MROH2A: variants seen among roughly 807,000 people sequenced by gnomAD.
MROH2A encodes the protein maestro heat-like repeat-containing protein family member 2A.
In MROH2A, 174 loss-of-function variants were observed where a neutral mutation model predicts 200.4. The ratio of observed to expected loss-of-function variants is 0.87; its 90% confidence interval spans 0.77 to 0.98. The LOEUF (loss-of-function observed/expected upper bound fraction) is 0.98. MROH2A is among the 50% of genes least tolerant of loss of function. The pLI is 0.00. For missense variants in MROH2A, 2,045 were observed against 2,139.6 expected (o/e 0.96, Z 0.87); for synonymous variants, 829 against 840.4 (o/e 0.99, Z 0.23).
intron 21 of MROH2A, among the ~76,000 whole-genome samples, chr2:233,808,433 G>A (rs1702944026): frequency 6.6e-6 from 1 of 152,244 alleles, no homozygotes; most frequent in Admixed American, 6.5e-5. Flanking sequence ...CCCACCAGCT[G>A]GCTGAGCTCC....
At chr2:233,810,316 A>G (rs918816400) in intron 22 of MROH2A, among the ~76,000 whole-genome samples, 9 of 152,322 alleles carry the variant, frequency 5.9e-5, no homozygotes, top group Non-Finnish European at 1.3e-4. Context: ...ATGGCGGGAG[A>G]CAAAAGGCAC....
At chr2:233,787,528 C>CAT (rs1559435142) in intron 3 of MROH2A, among the ~76,000 whole-genome samples, 15 of 88,130 alleles carry the variant, frequency 1.7e-4, no homozygotes, top group African/African-American at 6.1e-4. Context: ...ATATATATTA[C>CAT]ATATATCATA....
chr2:233,814,710 A>G, intron 26 of MROH2A, 33 bp downstream of exon 26: 1 of 1,451,240 alleles, frequency 6.9e-7, no homozygotes, highest in Non-Finnish European at 9.5e-7. Context: ...AGAGCCAGGG[A>G]TGGCCACTCC....
intron 31 of MROH2A, among the ~76,000 whole-genome samples, chr2:233,821,027 C>G (rs1174088843): frequency 6.6e-6 from 1 of 152,192 alleles, no homozygotes; most frequent in Non-Finnish European, 1.5e-5. Context: ...CCACGTCACA[C>G]TGGCTTTCAC....
chr2:233,795,825 C>T (rs762259363), intron 9 of MROH2A, 80 bp downstream of exon 9: 24 of 1,548,664 alleles, frequency 1.5e-5, no homozygotes, highest in Non-Finnish European at 2.0e-5. Context: ...GTGGCCTGGC[C>T]CACAACTCAC....
chr2:233,814,174 TGA>T (rs1330432603), intron 25 of MROH2A, among the ~76,000 whole-genome samples: 1 of 152,168 alleles, frequency 6.6e-6, no homozygotes, highest in Non-Finnish European at 1.5e-5. Context: ...AGGGAAGACT[TGA>T]GAGTCATTTT....
chr2:233,828,503 GCTCTCAGAGCCCCTCC>G lies in MROH2A; in HGVS notation c.4114-125_4114-110del. The stretch of plus-strand genomic sequence containing the variant: ...CGCTTTTTATAGAGAGGAAACGGAG[GCTCTCAGAGCCCCTCC>G]CCTCCTGTCCACAGAGCCACCAATC... On this transcript the variant is annotated intron_variant, in intron 35 of 41. Coordinates refer to ENST00000389758, the MANE Select transcript of MROH2A (RefSeq NM_001394639.1). The surrounding 1 kb of genome is among the most constrained non-coding windows in gnomAD (Gnocchi z 4.6). 1 of 1,171,070 alleles carries G rather than the reference GCTCTCAGAGCCCCTCC, an allele frequency of 8.5e-7. No individual in the cohort carries two copies. Among genetic ancestry groups the G allele is most frequent in the South Asian group, 1.6e-5 (1 of 61,688 alleles). The allele number at this position is 1,171,070 out of a possible 1,614,324, so 72.5% of individuals were successfully genotyped here. A position where few individuals can be genotyped will look rare whatever the true frequency, so the allele number is the denominator to read the frequency against.
intron 3 of MROH2A, among the ~76,000 whole-genome samples, chr2:233,787,852 AC>A (rs1174318289): frequency 3.0e-5 from 1 of 33,160 alleles, no homozygotes; most frequent in African/African-American, 1.3e-4. Context: ...TATTATATAT[AC>A]ATATATATTA....
At chr2:233,824,026 G>A (rs539064743) in intron 35 of MROH2A, among the ~76,000 whole-genome samples, 1 of 152,310 alleles carries the variant, frequency 6.6e-6, no homozygotes, top group East Asian at 1.9e-4. Flanking sequence ...AGGGCCCAGC[G>A]ACCCTATCTC....
chr2:233,828,653 C>T lies in MROH2A; in HGVS notation c.4137C>T (p.Tyr1379=). The change falls in exon 36 of 42, where the codon TAC becomes TAT. Residue 1379 remains tyrosine (Y), a synonymous_variant. Transcript: ENST00000389758. This position sits in a 1 kb window ranked among gnomAD's most constrained non-coding sequence, Gnocchi z 4.6. ...AGTTCATGAGCGGCCCAGTTCTGTA[C>T]CAGGAGAAGCTGCTGAAGCCGGCAG... ...AVCFMSGPVL[Y]QEKLLKPAAL... The T allele has an allele frequency of 6.4e-7, 1 of 1,550,786 alleles. No individual in the cohort carries two copies. The highest frequency in any genetic ancestry group is 8.7e-7 in the Non-Finnish European group (1 of 1,147,024).
chr2:233,787,950 ATATATACATATAT>A (rs1307732156), intron 3 of MROH2A, among the ~76,000 whole-genome samples: 18 of 82,214 alleles, frequency 2.2e-4, no homozygotes, highest in African/African-American at 5.6e-4. Context: ...CATATATATT[ATATATACATATAT>A]TATATATACA....
chr2:233,780,912 A>AAT (rs1700926870), intron 3 of MROH2A, among the ~76,000 whole-genome samples: 1 of 152,132 alleles, frequency 6.6e-6, no homozygotes, highest in African/African-American at 2.4e-5. Context: ...CCCATACCCT[A>AAT]ATACCGAAAT....
chr2:233,790,807 A>T (rs1701714585), intron 5 of MROH2A, among the ~76,000 whole-genome samples: 1 of 151,874 alleles, frequency 6.6e-6, no homozygotes, highest in Admixed American at 6.6e-5. Flanking sequence ...TAAGACACAC[A>T]TGGCTCCGGT....
chr2:233,828,683 G>C lies in MROH2A; in HGVS notation c.4167G>C (p.Leu1389Phe), dbSNP rs916255580. Residue 1389 changes from leucine to phenylalanine, a missense_variant, in exon 36 of 42, where the codon TTG becomes TTC. Coordinates refer to ENST00000389758, the MANE Select transcript of MROH2A (RefSeq NM_001394639.1). This position sits in a 1 kb window ranked among gnomAD's most constrained non-coding sequence, Gnocchi z 4.6. Reference sequence around the variant, plus strand: ...AGAAGCTGCTGAAGCCGGCAGCTTTGCTGCTGGAGAAGGGTGCCGACCAGG... The same window carrying C: ...AGAAGCTGCTGAAGCCGGCAGCTTTCCTGCTGGAGAAGGGTGCCGACCAGG... Reference protein sequence around the residue: ...YQEKLLKPAALLLEKGADQEE... With the variant: ...YQEKLLKPAAFLLEKGADQEE... 4 of 1,550,620 alleles carry C rather than the reference G, an allele frequency of 2.6e-6. No individual in the cohort carries two copies. In the African/African-American group the frequency reaches 5.5e-5, roughly 21 times the overall value.
intron 3 of MROH2A, among the ~76,000 whole-genome samples, 159 bp from the exon 4 acceptor site, chr2:233,789,338 C>T (rs187793414): frequency 1.8e-4 from 27 of 152,150 alleles, no homozygotes; most frequent in Admixed American, 8.5e-4. Context: ...GCAGGAGAAG[C>T]GAAGCAGGAG....
In MROH2A at chr2:233,822,440, C is replaced by G. The variant is rs1172714179; in HGVS notation, c.3750C>G (p.Ile1250Met). ...TCCCGGACTTCCTCCCTGACCTCAT[C>G]TACACCCTCCTGCTGCAGCTTGGAA... ...DKLPDFLPDLIYTLLLQLGSS... is the reference protein window; with the variant it reads ...DKLPDFLPDLMYTLLLQLGSS... Residue 1250 changes from isoleucine to methionine, a missense_variant, in exon 33 of 42, where the codon ATC becomes ATG. Physicochemically the swap from Ile to Met is conservative, Grantham distance 10. Coordinates refer to ENST00000389758, the MANE Select transcript of MROH2A (RefSeq NM_001394639.1). 1 of 1,551,114 alleles carries G rather than the reference C, an allele frequency of 6.4e-7. No individual in the cohort carries two copies. Among genetic ancestry groups the G allele is most frequent in the East Asian group, 2.4e-5 (1 of 40,914 alleles).
At chr2:233,814,080 T>A (rs1703350149) in intron 25 of MROH2A, among the ~76,000 whole-genome samples, 1 of 152,198 alleles carries the variant, frequency 6.6e-6, no homozygotes, top group African/African-American at 2.4e-5. Flanking sequence ...GGTGGAGTCC[T>A]CCTGCCCATC....
chr2:233,829,876 C>T (rs531060973), intron 38 of MROH2A, 101 bp downstream of exon 38: 177 of 1,138,160 alleles, frequency 1.6e-4, no homozygotes, highest in Admixed American at 9.3e-4. Flanking sequence ...AAGCTTTTCT[C>T]TGCCTCAGTT....
chr2:233,794,446 C>T lies in MROH2A; in HGVS notation c.906C>T (p.Asp302=). The T allele has an allele frequency of 6.4e-7, 1 of 1,550,510 alleles. No individual in the cohort carries two copies. The highest frequency in any genetic ancestry group is 8.7e-7 in the Non-Finnish European group (1 of 1,146,912). The change falls in exon 8 of 42, where the codon GAC becomes GAT. Residue 302 remains aspartate, a synonymous_variant. Transcript: ENST00000389758. ...ATGACCTGCGGGAGCAGGTCTACGA[C>T]TACATCCCCCTGCTGCTGGCGGAGT... ...PNDDLREQVY[D]YIPLLLAEYQ...
Sources: allele counts gnomAD v4.1 joint callset (sites outside exome capture counted in the v4.1 genomes callset), GRCh38; gene constraint gnomAD v4.1.1; non-coding constraint Gnocchi (gnomAD v3.1); transcripts MANE v1.5; gene names NCBI Gene and HGNC (gene_info 2026-07-23, HGNC 2026-07-21).